The following SYNCRIP variants were observed in gnomAD, a reference collection of about 807,000 sequenced individuals.
SYNCRIP encodes the protein heterogeneous nuclear ribonucleoprotein Q.
In SYNCRIP, 9 loss-of-function variants were observed where a neutral mutation model predicts 68.9. The ratio of observed to expected loss-of-function variants is 0.13; its 90% confidence interval spans 0.08 to 0.23. The LOEUF (loss-of-function observed/expected upper bound fraction) is 0.23. Among genes scored for constraint, SYNCRIP ranks in the 10% least tolerant of loss-of-function variants. The probability of loss-of-function intolerance (pLI) is 1.00; values close to 1 mark genes in which losing one functional copy is unlikely to be tolerated. For synonymous variants in SYNCRIP, 258 were observed against 254.0 expected (o/e 1.02, Z -0.15); for missense variants, 414 against 770.6 (o/e 0.54, Z 5.48).
chr6:85,636,883 G>C, intron 6 of SYNCRIP, 84 bp downstream of exon 6: 2 of 1,354,054 alleles, frequency 1.5e-6, no homozygotes, highest in Admixed American at 5.0e-5. Flanking sequence ...AAAATGTTTG[G>C]TAAACTCTTA....
chr6:85,636,224 C>A (rs889199841), intron 6 of SYNCRIP, among the ~76,000 whole-genome samples: 1 of 152,156 alleles, frequency 6.6e-6, no homozygotes, highest in African/African-American at 2.4e-5. Flanking sequence ...GCGAGTGGAT[C>A]ACCGGAGGTC....
chr6:85,616,313 CTGTTA>C lies in SYNCRIP; in HGVS notation c.1281-971_1281-967del, dbSNP rs548080861. 1.6e-3 allele frequency among the ~76,000 whole-genome samples: 246 copies of C among 152,086 alleles called. 1 individual carries two copies. Among genetic ancestry groups the C allele is most frequent in the African/African-American group, 5.3e-3 (221 of 41,486 alleles). On this transcript the variant is annotated intron_variant, in intron 10 of 10. Coordinates refer to ENST00000369622, the MANE Select transcript of SYNCRIP (RefSeq NM_006372.5). The stretch of plus-strand genomic sequence containing the variant: ...TTTACTCGTGTTTTTTATTCCGTAC[CTGTTA>C]TGTTATTTTATTTATTTATTTATTT...
intron 8 of SYNCRIP, among the ~76,000 whole-genome samples, chr6:85,621,532 G>A (rs930739737): frequency 2.7e-5 from 4 of 150,734 alleles, no homozygotes; most frequent in Non-Finnish European, 5.9e-5. Context: ...AAGATCTCTT[G>A]AGCTTGGGGC....
intron 6 of SYNCRIP, among the ~76,000 whole-genome samples, chr6:85,632,602 G>C (rs1276216200): frequency 6.6e-6 from 1 of 152,134 alleles, no homozygotes; most frequent in Non-Finnish European, 1.5e-5. Flanking sequence ...TTGTGCTAAA[G>C]CAAATCTACC....
Position 85,642,780 on chromosome 6 carries a change from G to A in SYNCRIP, c.-13+17C>T, listed in dbSNP as rs1049489075. ...CATGGAGCTCCCCTCCCACACCCAGGTTCTGGCAGTCGTTACCTCCCCGTT... is the reference window on the plus strand; with the variant it reads ...CATGGAGCTCCCCTCCCACACCCAGATTCTGGCAGTCGTTACCTCCCCGTT... On this transcript the variant is annotated intron_variant, in intron 1 of 10. Transcript: ENST00000369622. 6.5e-6 allele frequency: 1 copy of A among 152,722 alleles called. No individual in the cohort carries two copies. The highest frequency in any genetic ancestry group is 1.5e-5 in the Non-Finnish European group (1 of 68,162). The allele number at this position is 152,722 out of a possible 1,614,324, so 9.5% of individuals were successfully genotyped here.
At chr6:85,640,609 A>AT in intron 2 of SYNCRIP, 45 bp from the exon 3 acceptor site, 1 of 1,282,152 alleles carries the variant, frequency 7.8e-7, no homozygotes, top group East Asian at 2.4e-5. Flanking sequence ...TTTAGAAAAG[A>AT]TTTTTTAGAG....
At chr6:85,629,974 T>C (rs1490495523) in intron 6 of SYNCRIP, among the ~76,000 whole-genome samples, 4 of 147,898 alleles carry the variant, frequency 2.7e-5, no homozygotes, top group African/African-American at 1.0e-4. Flanking sequence ...AGAGTGAGGA[T>C]TTGTCTCAAA....
chr6:85,618,696 C>T (rs1428849214), intron 10 of SYNCRIP, 122 bp downstream of exon 10: 6 of 774,770 alleles, frequency 7.7e-6, no homozygotes, highest in Non-Finnish European at 1.2e-5. Context: ...GACTCTCAAA[C>T]GTTCAAGTCT....
intron 6 of SYNCRIP, 71 bp from the exon 7 acceptor site, chr6:85,624,183 C>T (rs1275020187): frequency 1.4e-6 from 2 of 1,444,464 alleles, no homozygotes; most frequent in African/African-American, 2.9e-5. Context: ...ATAAAAGATA[C>T]ACAAGAGCAA....
chr6:85,621,544 A>G (rs886650047), intron 8 of SYNCRIP, among the ~76,000 whole-genome samples: 3 of 151,332 alleles, frequency 2.0e-5, no homozygotes, highest in African/African-American at 4.9e-5. Context: ...GCTTGGGGCT[A>G]CAGTCAGCTA....
chr6:85,614,677 T>C lies in SYNCRIP; in HGVS notation c.*79A>G. On this transcript the variant is annotated 3_prime_UTR_variant, in exon 11 of 11. Transcript: ENST00000369622. Reference sequence around the variant, plus strand: ...GGAAATCTTGCCAGATGTCACAAATTATAGCGGCACCCGTTCAGATTTAGG... The same window carrying C: ...GGAAATCTTGCCAGATGTCACAAATCATAGCGGCACCCGTTCAGATTTAGG... The C allele has an allele frequency of 4.8e-6, 7 of 1,466,598 alleles. No homozygotes were observed. Among genetic ancestry groups the C allele is most frequent in the Non-Finnish European group, 6.3e-6 (7 of 1,108,764 alleles). The allele number at this position is 1,466,598 out of a possible 1,614,324, so 90.8% of individuals were successfully genotyped here.
intron 6 of SYNCRIP, among the ~76,000 whole-genome samples, chr6:85,632,343 TTA>T (rs1444018623): frequency 6.6e-6 from 1 of 152,164 alleles, no homozygotes; most frequent in African/African-American, 2.4e-5. Flanking sequence ...CAACATTTAG[TTA>T]TATATAACTA....
intron 6 of SYNCRIP, among the ~76,000 whole-genome samples, chr6:85,628,476 C>CAACT (rs1467387105): frequency 1.3e-5 from 2 of 152,194 alleles, no homozygotes; most frequent in African/African-American, 4.8e-5. Context: ...GCACATGACT[C>CAACT]AGTTGTTTTC....
chr6:85,621,895 A>G (rs537700828), intron 8 of SYNCRIP, among the ~76,000 whole-genome samples: 1 of 148,884 alleles, frequency 6.7e-6, no homozygotes, highest in East Asian at 1.9e-4. Flanking sequence ...ACAAAATGGA[A>G]GTCAACTGTC....
intron 8 of SYNCRIP, among the ~76,000 whole-genome samples, chr6:85,620,941 A>C (rs1353558775): frequency 1.3e-5 from 2 of 152,258 alleles, no homozygotes; most frequent in Non-Finnish European, 2.9e-5. Flanking sequence ...TTTAACACTT[A>C]ACAAGAGTGG....
chr6:85,618,592 C>A (rs1360993797), intron 10 of SYNCRIP, among the ~76,000 whole-genome samples: 1 of 152,022 alleles, frequency 6.6e-6, no homozygotes, highest in African/African-American at 2.4e-5. Context: ...TGCCAATTTA[C>A]CAAAATTCCA....
At position 85,619,919 on chromosome 6, in the gene SYNCRIP, TAGAG is replaced by T. The variant is rs1342556729; in HGVS notation, c.1009-506_1009-503del. On this transcript the variant is annotated intron_variant, in intron 8 of 10. Transcript: ENST00000369622. ...GAAAACTTACATGCACACAAAAACT[TAGAG>T]AGAGATGTTAATAGCAGCTTTATTT... Among the ~76,000 whole-genome samples, 7 of 152,202 alleles carry T rather than the reference TAGAG, an allele frequency of 4.6e-5. No individual in the cohort carries two copies. The South Asian group carries it at 1.0e-3, about 23-fold the overall frequency.
At chr6:85,621,456 T>TA (rs922653124) in intron 8 of SYNCRIP, among the ~76,000 whole-genome samples, 10 of 151,814 alleles carry the variant, frequency 6.6e-5, no homozygotes, top group Non-Finnish European at 1.3e-4. Context: ...CAAAATTTTT[T>TA]AAAAAAATTA....
Position 85,636,842 on chromosome 6 carries a change from A to G in SYNCRIP, c.666+125T>C, listed in dbSNP as rs924264885. 2.0e-5 allele frequency: 18 copies of G among 900,342 alleles called. No individual in the cohort carries two copies. The African/African-American group carries it at 2.0e-4, about 10-fold the overall frequency. The allele number at this position is 900,342 out of a possible 1,614,324, so 55.8% of individuals were successfully genotyped here. A position where few individuals can be genotyped will look rare whatever the true frequency, so the allele number is the denominator to read the frequency against. On this transcript the variant is annotated intron_variant, in intron 6 of 10. Coordinates refer to ENST00000369622, the MANE Select transcript of SYNCRIP (RefSeq NM_006372.5). The stretch of plus-strand genomic sequence containing the variant: ...ACAATGCTTGCACAGTGATGTGGGA[A>G]AAAAAAAACCTGCCTAAATCAGTAC...
Sources: allele counts gnomAD v4.1 joint callset (sites outside exome capture counted in the v4.1 genomes callset), GRCh38; gene constraint gnomAD v4.1.1; transcripts MANE v1.5; gene names NCBI Gene and HGNC (gene_info 2026-07-23, HGNC 2026-07-21).